Variants in DDX49 observed in about 807,000 individuals in gnomAD.
DDX49 encodes the protein probable ATP-dependent RNA helicase DDX49.
A neutral mutation model predicts 56.3 loss-of-function variants in DDX49; 50 were observed. The observed-to-expected ratio is 0.89, with a 90% CI of 0.71 to 1.12. The LOEUF is 1.12. DDX49 is among the 50% of genes most tolerant of loss of function. The pLI is 0.00. For synonymous variants in DDX49, 269 were observed against 270.6 expected, an observed-to-expected ratio of 0.99 and a Z score of 0.06; for missense variants, 614 against 650.5, an observed-to-expected ratio of 0.94 and a Z score of 0.61.
At position 18,927,955 on chromosome 19, in the gene DDX49, C is replaced by G. The variant is rs767208027; in HGVS notation, c.1192-10C>G. The G allele has an allele frequency of 6.2e-7, 1 of 1,614,028 alleles. No homozygotes were observed. Among genetic ancestry groups the G allele is most frequent in the Non-Finnish European group, 8.5e-7 (1 of 1,180,010 alleles). ...GACCAGCATCTCCTTACCCCACTTCCCTCCACCAGAAACTGGAGGCGGCCC... is the reference window on the plus strand; with the variant it reads ...GACCAGCATCTCCTTACCCCACTTCGCTCCACCAGAAACTGGAGGCGGCCC... On this transcript the variant is annotated splice_polypyrimidine_tract_variant and intron_variant, in intron 11 of 12. Coordinates refer to ENST00000247003, the MANE Select transcript of DDX49 (RefSeq NM_019070.5).
At position 18,928,353 on chromosome 19, in the gene DDX49, C is replaced by G; in HGVS notation, c.*37C>G. The G allele has an allele frequency of 6.8e-7, 1 of 1,468,726 alleles. No individual in the cohort carries two copies. The highest frequency in any genetic ancestry group is 9.0e-7 in the Non-Finnish European group (1 of 1,110,328). The allele number at this position is 1,468,726 out of a possible 1,614,324, so 91.0% of individuals were successfully genotyped here. On this transcript the variant is annotated 3_prime_UTR_variant, in exon 13 of 13. Transcript: ENST00000247003. The stretch of plus-strand genomic sequence containing the variant: ...CCATCTGCCCAGTCCTTGACTCGTC[C>G]ATGGAGCTGAGGGTCGGAGGAACCT...
chr19:18,922,267 G>A (rs1364294827), intron 4 of DDX49, 59 bp from the exon 5 acceptor site: 5 of 1,565,368 alleles, frequency 3.2e-6, no homozygotes, highest in Non-Finnish European at 4.3e-6. Flanking sequence ...TGCTTCAGGG[G>A]TGGCCAAGAC....
chr19:18,926,013 G>T (rs886376736), intron 9 of DDX49, among the ~76,000 whole-genome samples: 1 of 152,226 alleles, frequency 6.6e-6, no homozygotes. Flanking sequence ...GCTAATGGCT[G>T]GCATTACTTA....
intron 2 of DDX49, 109 bp from the exon 3 acceptor site, chr19:18,921,554 G>A: frequency 9.5e-7 from 1 of 1,050,770 alleles, no homozygotes; most frequent in Non-Finnish European, 1.5e-6. Flanking sequence ...ACAGGACTGG[G>A]CAAGTCAGGA....
chr19:18,922,274 A>G, intron 4 of DDX49, 52 bp from the exon 5 acceptor site: 2 of 1,577,444 alleles, frequency 1.3e-6, no homozygotes, highest in Middle Eastern at 1.8e-4. Context: ...GGGGTGGCCA[A>G]GACCCGGGGC....
intron 7 of DDX49, 114 bp downstream of exon 7, chr19:18,924,422 T>C: frequency 6.0e-6 from 7 of 1,170,146 alleles, no homozygotes; most frequent in Non-Finnish European, 8.8e-6. Flanking sequence ...TGGTCTCTTC[T>C]GGTCCCAGAA....
chr19:18,919,767 T>C lies in DDX49; in HGVS notation c.26T>C (p.Leu9Pro). 1 of 1,612,050 alleles carries C rather than the reference T, an allele frequency of 6.2e-7. No homozygotes were observed. The highest frequency in any genetic ancestry group is 8.5e-7 in the Non-Finnish European group (1 of 1,178,536). MAGFAELG[L>P]SSWLVEQCRQ... ...ATGGCAGGCTTCGCGGAGCTCGGGC[T>C]GTCATCGTGGCTCGTGGAACAATGT... The change falls in exon 1 of 13, where the codon CTG (leucine) becomes CCG (proline). Residue 9 changes from leucine to proline, a missense_variant. By Grantham distance (98) the Leu-to-Pro change is moderately conservative. Coordinates refer to ENST00000247003, the MANE Select transcript of DDX49 (RefSeq NM_019070.5).
chr19:18,923,707 C>A (rs2056937274), intron 6 of DDX49, among the ~76,000 whole-genome samples: 1 of 152,070 alleles, frequency 6.6e-6, no homozygotes, highest in Non-Finnish European at 1.5e-5. Context: ...AGCCTTCCAG[C>A]CCTGCAGTCC....
chr19:18,919,876 T>G lies in DDX49; in HGVS notation c.115+20T>G. The G allele has an allele frequency of 6.5e-7, 1 of 1,544,498 alleles. No homozygotes were observed. Among genetic ancestry groups the G allele is most frequent in the Non-Finnish European group, 8.9e-7 (1 of 1,128,304 alleles). On this transcript the variant is annotated intron_variant, in intron 1 of 12. Transcript: ENST00000247003. The stretch of plus-strand genomic sequence containing the variant: ...TGGAGGGTGAGTATGGCCCAGGGCC[T>G]TCCCCAAGAGGCCTCTCCGCTCCTC...
At position 18,924,814 on chromosome 19, in the gene DDX49, C is replaced by G. The variant is rs762773095; in HGVS notation, c.930-68C>G. ...AGCCCTAGCATCCCTGCTGAGTGAC[C>G]CTGGGTGAGTCCTTGCCTCGGTTTC... On this transcript the variant is annotated intron_variant, in intron 8 of 12. Transcript: ENST00000247003. 2.5e-6 allele frequency: 4 copies of G among 1,612,274 alleles called. No individual in the cohort carries two copies. The Admixed American group carries it at 5.0e-5, about 20-fold the overall frequency.
At chr19:18,922,861 G>C in intron 6 of DDX49, 117 bp downstream of exon 6, 3 of 1,333,852 alleles carry the variant, frequency 2.2e-6, no homozygotes, top group Non-Finnish European at 3.1e-6. Flanking sequence ...TCAGCCTGGA[G>C]GTCATGGGGG....
Position 18,922,752 on chromosome 19 carries a change from G to A in DDX49, c.776+8G>A, listed in dbSNP as rs1181914331. ...CTTCACCAACACGTGCAAGTGAGCG[G>A]GGCCCGCCTCTCCCCTCCCACCGCC... On this transcript the variant is annotated splice_region_variant and intron_variant, in intron 6 of 12. Coordinates refer to ENST00000247003, the MANE Select transcript of DDX49 (RefSeq NM_019070.5). The A allele has an allele frequency of 1.9e-6, 3 of 1,607,018 alleles. No homozygotes were observed. The highest frequency in any genetic ancestry group is 2.2e-5 in the South Asian group (2 of 90,820).
intron 12 of DDX49, 33 bp downstream of exon 12, chr19:18,928,069 G>A: frequency 1.2e-6 from 2 of 1,613,332 alleles, no homozygotes; most frequent in Non-Finnish European, 1.7e-6. Flanking sequence ...GGGGGTGGGT[G>A]GCCAGGTTCC....
intron 10 of DDX49, among the ~76,000 whole-genome samples, chr19:18,927,103 C>T (rs1052978804): frequency 1.4e-5 from 2 of 144,438 alleles, no homozygotes; most frequent in South Asian, 2.2e-4. Flanking sequence ...AGAGAAACAT[C>T]TGGACTTTAA....
chr19:18,924,991 AG>A lies in DDX49; in HGVS notation c.1027+17del. On this transcript the variant is annotated intron_variant, in intron 9 of 12. Transcript: ENST00000247003. Reference sequence around the variant, plus strand: ...GACGGCCCGTGCAGGTGAGCAGTGGAGGGGGAGGCCGAGCCTTGGGCCTCTG... The same window carrying A: ...GACGGCCCGTGCAGGTGAGCAGTGGAGGGGAGGCCGAGCCTTGGGCCTCTG... The A allele has an allele frequency of 6.2e-7, 1 of 1,608,168 alleles. No individual in the cohort carries two copies. The highest frequency in any genetic ancestry group is 8.5e-7 in the Non-Finnish European group (1 of 1,179,316).
chr19:18,928,402 C>A lies in DDX49; in HGVS notation c.*86C>A. The A allele has an allele frequency of 1.5e-6, 2 of 1,338,146 alleles. No individual in the cohort carries two copies. The highest frequency in any genetic ancestry group is 1.5e-5 in the South Asian group (1 of 65,742). The allele number at this position is 1,338,146 out of a possible 1,614,324, so 82.9% of individuals were successfully genotyped here. ...CTTCCTTGGGGGCAGCAGCCCTTCC[C>A]GGGGGCCTACCCAGTGCCCCACAGC... On this transcript the variant is annotated 3_prime_UTR_variant, in exon 13 of 13. Coordinates refer to ENST00000247003, the MANE Select transcript of DDX49 (RefSeq NM_019070.5).
At chr19:18,922,043 T>A (rs1342266372) in intron 4 of DDX49, 79 bp downstream of exon 4, 12 of 1,524,240 alleles carry the variant, frequency 7.9e-6, no homozygotes, top group African/African-American at 1.4e-5. Flanking sequence ...TGGGGCACCA[T>A]CTCATCCATT....
chr19:18,924,218 C>T lies in DDX49; in HGVS notation c.777-15C>T, dbSNP rs760907892. 36 of 1,613,552 alleles carry T rather than the reference C, an allele frequency of 2.2e-5. No individual in the cohort carries two copies. Among genetic ancestry groups the T allele is most frequent in the East Asian group, 1.6e-4 (7 of 44,882 alleles). ...TGAGAGCTGGAGGGGTTGACAGGCACATCCTTCCCGCCAGGACCTGCCAGA... is the reference window on the plus strand; with the variant it reads ...TGAGAGCTGGAGGGGTTGACAGGCATATCCTTCCCGCCAGGACCTGCCAGA... On this transcript the variant is annotated splice_polypyrimidine_tract_variant and intron_variant, in intron 6 of 12. Coordinates refer to ENST00000247003, the MANE Select transcript of DDX49 (RefSeq NM_019070.5).
At chr19:18,924,477 G>A (rs192511312) in intron 7 of DDX49, 146 bp from the exon 8 acceptor site, 43 of 1,072,926 alleles carry the variant, frequency 4.0e-5, no homozygotes, top group African/African-American at 3.0e-4. Flanking sequence ...TCTTTTAGCC[G>A]TCATTCATTT....
Sources: allele counts gnomAD v4.1 joint callset (sites outside exome capture counted in the v4.1 genomes callset), GRCh38; gene constraint gnomAD v4.1.1; transcripts MANE v1.5; gene names NCBI Gene and HGNC (gene_info 2026-07-23, HGNC 2026-07-21).